The following AFF3 variants were observed in gnomAD, a reference collection of about 807,000 sequenced individuals.
AFF3 encodes ALF transcription elongation factor 3, also known as AF4/FMR2 family member 3.
Under a neutral mutation model 129.7 loss-of-function variants are expected in AFF3, and 32 were observed. The ratio of observed to expected loss-of-function variants is 0.25; its 90% CI spans 0.19 to 0.33. The LOEUF (loss-of-function observed/expected upper bound fraction) is 0.33. Ranked by LOEUF, AFF3 falls within the 10% of genes least tolerant of loss-of-function variation. The pLI is 1.00. For synonymous variants in AFF3, 644 were observed against 635.4 expected (o/e 1.01, Z -0.20); for missense variants, 1,373 against 1,592.0 (o/e 0.86, Z 2.34).
rs565052282 is a variant in AFF3, at chr2:99,712,942, G to A, written c.1091+14135C>T. Among the ~76,000 whole-genome samples the A allele has an allele frequency of 3.9e-4, 59 of 152,302 alleles. 2 individuals carry two copies. The South Asian group carries it at 0.012, about 30-fold the overall frequency. The stretch of plus-strand genomic sequence containing the variant: ...AAATTCTGACACATGCTGCAACATG[G>A]ATGAACCCTGTGGACATTACACTTT... On this transcript the variant is annotated intron_variant, in intron 11 of 24. Transcript: ENST00000672756.
At chr2:99,643,319 A>G (rs1455981855) in intron 13 of AFF3, among the ~76,000 whole-genome samples, 1 of 152,014 alleles carries the variant, frequency 6.6e-6, no homozygotes. Flanking sequence ...TGGCCTCCCA[A>G]AGTGCTGGGA....
chr2:99,793,636 T>C (rs1166523701), intron 8 of AFF3, among the ~76,000 whole-genome samples: 1 of 152,254 alleles, frequency 6.6e-6, no homozygotes, highest in East Asian at 1.9e-4. Flanking sequence ...TCTCTTTCAT[T>C]GCTCATATTA....
chr2:100,014,693 A>G (rs557433297), intron 4 of AFF3, among the ~76,000 whole-genome samples: 17 of 152,232 alleles, frequency 1.1e-4, no homozygotes, highest in African/African-American at 2.9e-4. Flanking sequence ...TTAGAGGTAC[A>G]AAATACATGG....
At position 99,849,533 on chromosome 2, in the gene AFF3, C is replaced by T. The variant is rs185722765; in HGVS notation, c.874-12009G>A. Among the ~76,000 whole-genome samples the T allele has an allele frequency of 3.3e-5, 5 of 152,180 alleles. No homozygotes were observed. The East Asian group carries it at 9.7e-4, about 29-fold the overall frequency. On this transcript the variant is annotated intron_variant, in intron 7 of 24. Transcript: ENST00000672756. The stretch of plus-strand genomic sequence containing the variant: ...GACCATACGTTTTTCATTTGTAGAA[C>T]CGAGACAGTAACAGCACCTACGAAA...
intron 8 of AFF3, among the ~76,000 whole-genome samples, chr2:99,764,599 T>C (rs1234109257): frequency 6.6e-6 from 1 of 152,276 alleles, no homozygotes; most frequent in African/African-American, 2.4e-5. Context: ...GTTCATTTTA[T>C]TACTTGTGTT....
intron 21 of AFF3, among the ~76,000 whole-genome samples, chr2:99,559,324 G>A (rs954860409): frequency 1.3e-5 from 2 of 152,238 alleles, no homozygotes; most frequent in African/African-American, 4.8e-5. Flanking sequence ...TCACTGCTTC[G>A]CGGGCGAGCC....
At chr2:99,583,087 G>A (rs1677738641) in intron 16 of AFF3, 88 bp from the exon 17 acceptor site, 3 of 1,197,694 alleles carry the variant, frequency 2.5e-6, no homozygotes, top group Non-Finnish European at 3.6e-6. Context: ...CACCCAACTG[G>A]GACCTGTTGG....
chr2:99,794,708 C>T (rs918627911), intron 8 of AFF3, among the ~76,000 whole-genome samples: 25 of 152,104 alleles, frequency 1.6e-4, no homozygotes, highest in Admixed American at 9.2e-4. Flanking sequence ...TCTATTTTCC[C>T]TCAACTCAGT....
chr2:99,877,572 A>C (rs971993939), intron 7 of AFF3, among the ~76,000 whole-genome samples: 23 of 152,200 alleles, frequency 1.5e-4, no homozygotes, highest in Non-Finnish European at 3.1e-4. Flanking sequence ...TTTATTAAAG[A>C]CCATCATTCT....
At chr2:99,752,385 G>T in intron 8 of AFF3, 84 bp from the exon 9 acceptor site, 1 of 1,135,292 alleles carries the variant, frequency 8.8e-7, no homozygotes, top group Non-Finnish European at 1.3e-6. Context: ...GTACAAGTGG[G>T]CCTTCATAAG....
intron 15 of AFF3, among the ~76,000 whole-genome samples, chr2:99,592,986 T>C (rs1678866819): frequency 7.2e-6 from 1 of 138,470 alleles, no homozygotes; most frequent in Non-Finnish European, 1.5e-5. Flanking sequence ...TGAGCAGTTC[T>C]AAGGACTAAG....
chr2:99,643,917 A>C lies in AFF3; in HGVS notation c.1184+5709T>G, dbSNP rs192227065. ...TGGATGTGTGAGATTTATTTGAGAAAGGGCAAAACTGAGGGCAGCAAATGT... is the reference window on the plus strand; with the variant it reads ...TGGATGTGTGAGATTTATTTGAGAACGGGCAAAACTGAGGGCAGCAAATGT... On this transcript the variant is annotated intron_variant, in intron 13 of 24. Coordinates refer to ENST00000672756, the MANE Select transcript of AFF3 (RefSeq NM_001386135.1). Among the ~76,000 whole-genome samples the C allele has an allele frequency of 3.3e-5, 5 of 152,288 alleles. No homozygotes were observed. In the East Asian group the frequency reaches 9.7e-4, roughly 29 times the overall value.
At chr2:99,879,214 C>T (rs1448460612) in intron 7 of AFF3, among the ~76,000 whole-genome samples, 1 of 152,148 alleles carries the variant, frequency 6.6e-6, no homozygotes, top group East Asian at 1.9e-4. Context: ...CAGTGACGTC[C>T]CTACACAGTT....
chr2:99,767,396 C>T (rs1296700526), intron 8 of AFF3, among the ~76,000 whole-genome samples: 1 of 152,182 alleles, frequency 6.6e-6, no homozygotes, highest in Non-Finnish European at 1.5e-5. Flanking sequence ...GTGGAAATGA[C>T]ATTATGTGTG....
chr2:99,854,523 G>C (rs1441887649), intron 7 of AFF3, among the ~76,000 whole-genome samples: 1 of 152,194 alleles, frequency 6.6e-6, no homozygotes, highest in African/African-American at 2.4e-5. Flanking sequence ...GTGATAAGCA[G>C]TTGTGAAATT....
At chr2:99,756,920 C>A (rs1465404445) in intron 8 of AFF3, among the ~76,000 whole-genome samples, 2 of 152,208 alleles carry the variant, frequency 1.3e-5, no homozygotes, top group African/African-American at 2.4e-5. Flanking sequence ...ATTTCCAAGA[C>A]CTTAGCAACC....
At chr2:99,634,188 G>A (rs1232030486) in intron 13 of AFF3, among the ~76,000 whole-genome samples, 11 of 152,214 alleles carry the variant, frequency 7.2e-5, no homozygotes, top group Admixed American at 1.3e-4. Context: ...GATTACAGGC[G>A]TGAGCCACTG....
chr2:99,993,347 T>C (rs1322708937), intron 7 of AFF3, among the ~76,000 whole-genome samples: 1 of 152,160 alleles, frequency 6.6e-6, no homozygotes, highest in African/African-American at 2.4e-5. Context: ...TCTAACTTTT[T>C]CATGAAAAAT....
intron 10 of AFF3, among the ~76,000 whole-genome samples, chr2:99,732,514 G>T (rs969987605): frequency 2.6e-5 from 4 of 151,914 alleles, no homozygotes; most frequent in Admixed American, 2.6e-4. Context: ...ATTCTTCTGA[G>T]ACTCACTTCT....
Sources: allele counts gnomAD v4.1 joint callset (sites outside exome capture counted in the v4.1 genomes callset), GRCh38; gene constraint gnomAD v4.1.1; transcripts MANE v1.5; gene names NCBI Gene and HGNC (gene_info 2026-07-23, HGNC 2026-07-21).